Variants in NEK1 observed in about 807,000 individuals in gnomAD.
NEK1 encodes NIMA related kinase 1, also known as serine/threonine-protein kinase Nek1.
Under a neutral mutation model 182.1 loss-of-function variants are expected in NEK1, and 137 were observed. That is an observed-to-expected ratio of 0.75 (90% CI 0.65 to 0.87). The LOEUF (loss-of-function observed/expected upper bound fraction) is 0.87, where lower values mean the gene tolerates loss of function less well. Among genes scored for constraint, NEK1 ranks in the 40% least tolerant of loss-of-function variants. The probability of loss-of-function intolerance (pLI) is 0.00; values close to 1 mark genes in which losing one functional copy is unlikely to be tolerated. For missense variants in NEK1, 1,391 were observed against 1,494.4 expected (o/e 0.93, Z 1.14); for synonymous variants, 513 against 492.2 (o/e 1.04, Z -0.56).
intron 16 of NEK1, among the ~76,000 whole-genome samples, chr4:169,557,614 A>G (rs1398472543): frequency 1.3e-5 from 2 of 152,148 alleles, no homozygotes; most frequent in Non-Finnish European, 2.9e-5. Context: ...AGGTGATAAC[A>G]TCTTAAGGAA....
chr4:169,513,180 A>G (rs1754472927), intron 19 of NEK1, among the ~76,000 whole-genome samples: 1 of 152,166 alleles, frequency 6.6e-6, no homozygotes, highest in Non-Finnish European at 1.5e-5. Context: ...ATTTAACAAG[A>G]ATTGCCATTT....
intron 29 of NEK1, among the ~76,000 whole-genome samples, chr4:169,431,937 A>G (rs1355310874): frequency 6.6e-6 from 1 of 152,100 alleles, no homozygotes; most frequent in Non-Finnish European, 1.5e-5. Flanking sequence ...AACCACACAC[A>G]CACACACACA....
At chr4:169,515,009 C>T (rs1201596727) in intron 19 of NEK1, among the ~76,000 whole-genome samples, 1 of 152,126 alleles carries the variant, frequency 6.6e-6, no homozygotes, top group Admixed American at 6.5e-5. Context: ...AGCTCTCACA[C>T]ATTTTTGTGC....
At chr4:169,396,413 TG>T (rs1730736232) in intron 35 of NEK1, among the ~76,000 whole-genome samples, 1 of 132,674 alleles carries the variant, frequency 7.5e-6, no homozygotes, top group Non-Finnish European at 1.6e-5. Context: ...TCTATAAACT[TG>T]GGCCGCTAAT....
chr4:169,438,155 C>A lies in NEK1; in HGVS notation c.2692G>T (p.Val898Phe), dbSNP rs1166235977. The change falls in exon 28 of 36, where the codon GTT (valine) becomes TTT (phenylalanine). Residue 898 changes from valine (V) to phenylalanine (F), a missense_variant. Val to Phe is a conservative substitution (Grantham distance 50, BLOSUM62 -1). Around this residue, in one of 5 missense-constraint regions of NEK1, gnomAD observed 1,216 missense variants for 1,277.6 expected, o/e 0.95. Coordinates refer to ENST00000507142, the MANE Select transcript of NEK1 (RefSeq NM_001199397.3). ...CTGAACTCGGGACTTTTTGTCTCAA[C>A]AGGAGAATCAACAATAGCTGATGGG... is the stretch of plus-strand genomic sequence containing the variant. ...INPSAIVDSP[V>F]ETKSPEFSEA... 6.2e-7 allele frequency: 1 copy of A among 1,610,222 alleles called. No individual in the cohort carries two copies. The highest frequency in any genetic ancestry group is 1.1e-5 in the South Asian group (1 of 90,096).
chr4:169,456,425 T>G (rs1180187651), intron 27 of NEK1, among the ~76,000 whole-genome samples: 1 of 152,114 alleles, frequency 6.6e-6, no homozygotes, highest in Non-Finnish European at 1.5e-5. Context: ...AATCAAAAGT[T>G]GGCTTTTTGA....
intron 12 of NEK1, among the ~76,000 whole-genome samples, chr4:169,573,294 A>G (rs1315854098): frequency 6.6e-6 from 1 of 152,234 alleles, no homozygotes; most frequent in African/African-American, 2.4e-5. Context: ...GTAGGAAGAA[A>G]ATATTGGTCC....
intron 12 of NEK1, among the ~76,000 whole-genome samples, chr4:169,574,000 A>G (rs1213366218): frequency 6.6e-6 from 1 of 152,104 alleles, no homozygotes; most frequent in East Asian, 1.9e-4. Context: ...ACCACTACAA[A>G]AAATAAAAAA....
intron 20 of NEK1, 129 bp from the exon 21 acceptor site, chr4:169,508,460 G>A: frequency 9.0e-6 from 6 of 667,278 alleles, no homozygotes; most frequent in East Asian, 3.3e-5. Context: ...TCTGAAATCC[G>A]GTTAATGGAA....
intron 23 of NEK1, 40 bp from the exon 24 acceptor site, chr4:169,479,574 T>C: frequency 6.7e-7 from 1 of 1,497,300 alleles, no homozygotes; most frequent in Non-Finnish European, 9.1e-7. Context: ...AGGGATTTTA[T>C]ATTTGTATGA....
At chr4:169,403,492 C>T (rs1340145042) in intron 32 of NEK1, among the ~76,000 whole-genome samples, 2 of 152,054 alleles carry the variant, frequency 1.3e-5, no homozygotes, top group Non-Finnish European at 2.9e-5. Context: ...ACTGCTTGAG[C>T]CCAGGAGTCC....
At chr4:169,442,474 T>G (rs1300379896) in intron 27 of NEK1, among the ~76,000 whole-genome samples, 1 of 151,608 alleles carries the variant, frequency 6.6e-6, no homozygotes, top group African/African-American at 2.4e-5. Context: ...ATCCGTAAAA[T>G]CGGAAGAAGT....
At chr4:169,511,284 G>GAT (rs1754137060) in intron 19 of NEK1, among the ~76,000 whole-genome samples, 1 of 152,028 alleles carries the variant, frequency 6.6e-6, no homozygotes, top group Non-Finnish European at 1.5e-5. Context: ...GAGCTTTTGA[G>GAT]ATATATATAG....
intron 31 of NEK1, among the ~76,000 whole-genome samples, chr4:169,423,195 C>A (rs1041968915): frequency 6.6e-6 from 1 of 152,134 alleles, no homozygotes; most frequent in African/African-American, 2.4e-5. Flanking sequence ...CTCCACCTCC[C>A]GGGTTCAAGT....
At chr4:169,561,612 T>C in intron 15 of NEK1, 58 bp from the exon 16 acceptor site, 1 of 1,588,118 alleles carries the variant, frequency 6.3e-7, no homozygotes. Context: ...AAAATACACG[T>C]AATACATTTA....
Position 169,561,890 on chromosome 4 carries a change from T to C in NEK1, c.1082A>G (p.Glu361Gly). ...TTCCAGCCTTCTCTTTCTTGCTGCTTCCTTAAATAAAAAAAAGAACATTTT... is the reference window on the plus strand; with the variant it reads ...TTCCAGCCTTCTCTTTCTTGCTGCTCCCTTAAATAAAAAAAAGAACATTTT... The part of the protein sequence containing the change: ...TGEERRKISE[E>G]AARKRRLEFI... Residue 361 changes from glutamate (E) to glycine (G), a missense_variant and splice_region_variant, in exon 14 of 36, where the codon GAA (glutamate) becomes GGA (glycine). Glu to Gly is a moderately conservative substitution (Grantham distance 98). Around this residue, in one of 5 missense-constraint regions of NEK1, gnomAD observed 1,216 missense variants for 1,277.6 expected, o/e 0.95. Coordinates refer to ENST00000507142, the MANE Select transcript of NEK1 (RefSeq NM_001199397.3). The C allele has an allele frequency of 6.3e-7, 1 of 1,596,986 alleles. No homozygotes were observed. Among genetic ancestry groups the C allele is most frequent in the East Asian group, 2.2e-5 (1 of 44,652 alleles).
rs577086026 is a variant in NEK1, at chr4:169,570,583, G to A, written c.1020+6345C>T. On this transcript the variant is annotated intron_variant, in intron 12 of 35. Transcript: ENST00000507142. ...GGGTCAGCCCCCCGCCCGGCCAGCC[G>A]CCCCGTCCAGGAGGTGAGGGGTGCC... is the stretch of plus-strand genomic sequence containing the variant. 9.4e-5 allele frequency among the ~76,000 whole-genome samples: 14 copies of A among 148,872 alleles called. No individual in the cohort carries two copies. The South Asian group carries it at 2.2e-3, about 23-fold the overall frequency.
chr4:169,526,529 A>T (rs1353855252), intron 19 of NEK1, among the ~76,000 whole-genome samples: 1 of 152,126 alleles, frequency 6.6e-6, no homozygotes, highest in African/African-American at 2.4e-5. Context: ...AAGCACATAA[A>T]ATTATTTTGA....
At chr4:169,527,748 GAAAC>G (rs1313765214) in intron 19 of NEK1, among the ~76,000 whole-genome samples, 1 of 151,908 alleles carries the variant, frequency 6.6e-6, no homozygotes, top group Non-Finnish European at 1.5e-5. Flanking sequence ...TGGAAAGAGA[GAAAC>G]AAAATCATAG....
Sources: allele counts gnomAD v4.1 joint callset (sites outside exome capture counted in the v4.1 genomes callset), GRCh38; gene constraint gnomAD v4.1.1; regional missense constraint gnomAD v4.1.1; transcripts MANE v1.5; gene names NCBI Gene and HGNC (gene_info 2026-07-23, HGNC 2026-07-21).